PLXDC2: variants seen among roughly 807,000 people sequenced by gnomAD.
PLXDC2 encodes the protein plexin domain-containing protein 2.
PLXDC2 carries 40 observed loss-of-function variants against 68.9 expected under a neutral mutation model. The ratio of observed to expected loss-of-function variants is 0.58; its 90% CI spans 0.45 to 0.76. The LOEUF (loss-of-function observed/expected upper bound fraction) is 0.76, where lower values mean the gene tolerates loss of function less well. PLXDC2 is among the 30% of genes least tolerant of loss of function. The probability of loss-of-function intolerance (pLI) is 0.00; values close to 1 mark genes in which losing one functional copy is unlikely to be tolerated. For missense variants in PLXDC2, 644 were observed against 661.9 expected, an observed-to-expected ratio of 0.97 and a Z score of 0.30; for synonymous variants, 243 against 234.2, an observed-to-expected ratio of 1.04 and a Z score of -0.34.
At chr10:20,231,837 G>A (rs1214927191) in intron 12 of PLXDC2, among the ~76,000 whole-genome samples, 1 of 151,866 alleles carries the variant, frequency 6.6e-6, no homozygotes, top group African/African-American at 2.4e-5. Context: ...CTAACATAGC[G>A]AGACTCTGTC....
chr10:20,256,440 C>T (rs1048418097), intron 13 of PLXDC2, among the ~76,000 whole-genome samples: 5 of 93,058 alleles, frequency 5.4e-5, no homozygotes, highest in African/African-American at 1.6e-4. Flanking sequence ...GCCCCCCAAA[C>T]TTTTTTTTAA....
At chr10:20,052,105 T>A (rs1835912004) in intron 3 of PLXDC2, among the ~76,000 whole-genome samples, 1 of 151,962 alleles carries the variant, frequency 6.6e-6, no homozygotes. Flanking sequence ...ACAACCAGAT[T>A]GGTAATATTA....
At chr10:19,835,161 G>A (rs1261794412) in intron 1 of PLXDC2, among the ~76,000 whole-genome samples, 1 of 152,162 alleles carries the variant, frequency 6.6e-6, no homozygotes, top group Non-Finnish European at 1.5e-5. Flanking sequence ...GCCGGGTGTT[G>A]AATTCTCCCA....
chr10:19,884,814 T>C (rs1837811238), intron 1 of PLXDC2, among the ~76,000 whole-genome samples: 2 of 152,154 alleles, frequency 1.3e-5, no homozygotes, highest in South Asian at 4.1e-4. Flanking sequence ...AGTAAATATA[T>C]GTGTGCATGT....
At chr10:19,887,258 T>C (rs947236317) in intron 1 of PLXDC2, among the ~76,000 whole-genome samples, 3 of 152,216 alleles carry the variant, frequency 2.0e-5, no homozygotes, top group African/African-American at 7.2e-5. Flanking sequence ...CAGTGGCTCA[T>C]GCCTGTAATC....
chr10:19,914,797 C>A (rs757519083), intron 1 of PLXDC2, among the ~76,000 whole-genome samples: 28 of 152,302 alleles, frequency 1.8e-4, no homozygotes, highest in Admixed American at 5.2e-4. Flanking sequence ...CCTTTATGAC[C>A]TGAAACCATG....
chr10:20,121,116 G>T (rs1270325381), intron 4 of PLXDC2, among the ~76,000 whole-genome samples: 1 of 152,204 alleles, frequency 6.6e-6, no homozygotes, highest in Non-Finnish European at 1.5e-5. Context: ...AGCTGAAGGA[G>T]CTGGGGAGCA....
intron 4 of PLXDC2, among the ~76,000 whole-genome samples, chr10:20,085,149 A>C (rs543927040): frequency 6.9e-6 from 1 of 144,796 alleles, no homozygotes; most frequent in South Asian, 2.3e-4. Flanking sequence ...GTTAGTACCA[A>C]GCTCTCATCT....
intron 13 of PLXDC2, among the ~76,000 whole-genome samples, chr10:20,277,212 AAAAAAAAAAAAAAAAAAAAAAAG>A (rs2119395019): frequency 4.1e-5 from 2 of 48,802 alleles, no homozygotes; most frequent in Admixed American, 3.2e-4. Flanking sequence ...CCATCTCAAA[AAAAAAAAAAAAAAAAAAAAAAAG>A]AGTCCCATTC....
At position 19,996,250 on chromosome 10, in the gene PLXDC2, G is replaced by A. The variant is rs1294911963; in HGVS notation, c.113-5525G>A. Among the ~76,000 whole-genome samples, 3 of 152,058 alleles carry A rather than the reference G, an allele frequency of 2.0e-5. No individual in the cohort carries two copies. The East Asian group carries it at 5.8e-4, about 29-fold the overall frequency. On this transcript the variant is annotated intron_variant, in intron 1 of 13. Transcript: ENST00000377252. ...GGGGCCAGGAGTTTAAGACCAGCCT[G>A]GGCAACAAAATGAGACCTCCATCTC... is the stretch of plus-strand genomic sequence containing the variant.
chr10:20,130,277 T>C (rs1328613583), intron 4 of PLXDC2, among the ~76,000 whole-genome samples: 3 of 152,122 alleles, frequency 2.0e-5, no homozygotes, highest in African/African-American at 7.2e-5. Context: ...CTATTGTATG[T>C]GAGAGTGTTA....
intron 1 of PLXDC2, among the ~76,000 whole-genome samples, chr10:19,926,009 C>T (rs926443058): frequency 1.3e-5 from 2 of 152,184 alleles, no homozygotes; most frequent in Non-Finnish European, 2.9e-5. Context: ...AGGCATTAGG[C>T]AGCAACCTCG....
At chr10:20,227,385 G>A (rs1458630326) in intron 12 of PLXDC2, among the ~76,000 whole-genome samples, 7 of 152,172 alleles carry the variant, frequency 4.6e-5, no homozygotes, top group Admixed American at 4.6e-4. Flanking sequence ...GGTGATACTT[G>A]ATCCAAGTTT....
intron 4 of PLXDC2, among the ~76,000 whole-genome samples, chr10:20,116,026 T>C (rs1322078942): frequency 6.6e-6 from 1 of 152,266 alleles, no homozygotes; most frequent in Non-Finnish European, 1.5e-5. Flanking sequence ...TCAGTTCTGA[T>C]TGGTCTGAAC....
intron 2 of PLXDC2, among the ~76,000 whole-genome samples, chr10:20,008,778 A>G (rs1412629431): frequency 6.6e-6 from 1 of 152,140 alleles, no homozygotes; most frequent in Non-Finnish European, 1.5e-5. Context: ...TCATAGGGGC[A>G]GGCTCTTCCC....
At chr10:19,831,160 C>T (rs1359108216) in intron 1 of PLXDC2, among the ~76,000 whole-genome samples, 1 of 152,108 alleles carries the variant, frequency 6.6e-6, no homozygotes, top group Non-Finnish European at 1.5e-5. Context: ...CTCAGATGTC[C>T]AGTGGCATTC....
At chr10:19,973,359 T>C (rs1468365137) in intron 1 of PLXDC2, among the ~76,000 whole-genome samples, 1 of 149,586 alleles carries the variant, frequency 6.7e-6, no homozygotes, top group Non-Finnish European at 1.5e-5. Flanking sequence ...TACTCACATA[T>C]ATATGTATAC....
chr10:19,938,665 G>C lies in PLXDC2; in HGVS notation c.113-63110G>C, dbSNP rs74820201. On this transcript the variant is annotated intron_variant, in intron 1 of 13. Transcript: ENST00000377252. Reference sequence around the variant, plus strand: ...GTATTACAATTTGACTTGAGATTTGGGCAGAGGCACAGATCCAAACCATAT... The same window carrying C: ...GTATTACAATTTGACTTGAGATTTGCGCAGAGGCACAGATCCAAACCATAT... Among the ~76,000 whole-genome samples the C allele has an allele frequency of 7.3e-3, 1,117 of 152,246 alleles. 8 individuals carry two copies. The highest frequency in any genetic ancestry group is 8.9e-3 in the Non-Finnish European group (608 of 68,012).
chr10:19,979,265 T>C (rs1003020954), intron 1 of PLXDC2, among the ~76,000 whole-genome samples: 17 of 152,218 alleles, frequency 1.1e-4, no homozygotes, highest in African/African-American at 3.4e-4. Flanking sequence ...TTGTGCCTCC[T>C]GAGCCTAGTT....
Sources: allele counts gnomAD v4.1 joint callset (sites outside exome capture counted in the v4.1 genomes callset), GRCh38; gene constraint gnomAD v4.1.1; transcripts MANE v1.5; gene names NCBI Gene and HGNC (gene_info 2026-07-23, HGNC 2026-07-21).